The following GLIS3 variants were observed in gnomAD, a reference collection of about 807,000 sequenced individuals.
GLIS3 encodes GLIS family zinc finger 3, also known as zinc finger protein GLIS3.
GLIS3 carries 53 observed loss-of-function variants against 78.6 expected under a neutral mutation model. The ratio of observed to expected loss-of-function variants is 0.67; its 90% CI spans 0.54 to 0.85. The LOEUF (loss-of-function observed/expected upper bound fraction) is 0.85. Ranked by LOEUF, GLIS3 falls within the 40% of genes least tolerant of loss-of-function variation. The pLI is 0.00. For missense variants in GLIS3, 1,703 were observed against 1,231.1 expected (o/e 1.38, Z -5.74); for synonymous variants, 684 against 509.9 (o/e 1.34, Z -4.60).
At position 4,187,696 on chromosome 9, in the gene GLIS3, T is replaced by C. The variant is rs1252940477; in HGVS notation, c.389-61755A>G. On this transcript the variant is annotated intron_variant, in intron 2 of 10. Transcript: ENST00000381971. ...CTGAGCAGTGGTTTGTAGTTCTCCTTGAAGAGGTCTTTCACATCCCTTGTA... is the reference window on the plus strand; with the variant it reads ...CTGAGCAGTGGTTTGTAGTTCTCCTCGAAGAGGTCTTTCACATCCCTTGTA... Among the ~76,000 whole-genome samples, 6 of 152,342 alleles carry C rather than the reference T, an allele frequency of 3.9e-5. 1 individual carries two copies. The East Asian group carries it at 7.7e-4, about 20-fold the overall frequency.
chr9:4,219,086 C>T (rs964759271), intron 2 of GLIS3, among the ~76,000 whole-genome samples: 1 of 152,186 alleles, frequency 6.6e-6, no homozygotes, highest in East Asian at 1.9e-4. Flanking sequence ...ACTGATTTAC[C>T]ACAATCCTCC....
chr9:4,460,821 T>C, the GLIS3 span, among the ~76,000 whole-genome samples: 1 of 152,208 alleles, frequency 6.6e-6, no homozygotes, highest in Non-Finnish European at 1.5e-5. Flanking sequence ...ATTTCAAATC[T>C]GGAGTGTTTT....
chr9:4,451,505 G>C, the GLIS3 span, among the ~76,000 whole-genome samples: 1 of 152,232 alleles, frequency 6.6e-6, no homozygotes, highest in South Asian at 2.1e-4. Context: ...GAACCTAATA[G>C]ACATCTACAG....
chr9:3,938,314 G>T (rs938712096), intron 4 of GLIS3, among the ~76,000 whole-genome samples: 1 of 152,190 alleles, frequency 6.6e-6, no homozygotes, highest in Admixed American at 6.5e-5. Context: ...GAATGCAGGG[G>T]GGTGAGGGTG....
the GLIS3 span, among the ~76,000 whole-genome samples, chr9:4,371,096 A>C: frequency 2.0e-5 from 3 of 152,214 alleles, no homozygotes; most frequent in African/African-American, 7.2e-5. Context: ...AATTTTTGTA[A>C]TAAGAAAAAA....
chr9:3,964,606 T>C (rs1030574569), intron 4 of GLIS3, among the ~76,000 whole-genome samples: 1 of 152,216 alleles, frequency 6.6e-6, no homozygotes, highest in Non-Finnish European at 1.5e-5. Context: ...CTCCAGCAGA[T>C]GATATTTCTA....
In GLIS3 at chr9:4,180,840, A is replaced by G. The variant is rs10974369; in HGVS notation, c.389-54899T>C. 9.2e-3 allele frequency among the ~76,000 whole-genome samples: 1,393 copies of G among 152,162 alleles called. 17 individuals are homozygous for G. The highest frequency in any genetic ancestry group is 0.031 in the African/African-American group (1,284 of 41,502). On this transcript the variant is annotated intron_variant, in intron 2 of 10. Coordinates refer to ENST00000381971, the MANE Select transcript of GLIS3 (RefSeq NM_001042413.2). The stretch of plus-strand genomic sequence containing the variant: ...AAAATACCAGTCAATAAAATCTCAA[A>G]CTGGTTTTGCTCCGATCCACCCAAG...
At chr9:4,194,966 G>C (rs756725421) in intron 2 of GLIS3, among the ~76,000 whole-genome samples, 2 of 151,986 alleles carry the variant, frequency 1.3e-5, no homozygotes, top group African/African-American at 2.4e-5. Context: ...TGGCAGTGTA[G>C]CCACAAAGGC....
intron 2 of GLIS3, among the ~76,000 whole-genome samples, chr9:4,248,546 A>G (rs907958381): frequency 6.6e-6 from 1 of 152,202 alleles, no homozygotes; most frequent in Non-Finnish European, 1.5e-5. Flanking sequence ...GCTGCAATAA[A>G]TATATGTGTG....
the GLIS3 span, among the ~76,000 whole-genome samples, chr9:4,430,655 T>C: frequency 1.3e-5 from 2 of 152,236 alleles, no homozygotes; most frequent in Non-Finnish European, 2.9e-5. Flanking sequence ...GATATCTTCA[T>C]TCTGTTATCC....
chr9:4,132,535 A>C (rs1292372955), intron 2 of GLIS3, among the ~76,000 whole-genome samples: 1 of 152,030 alleles, frequency 6.6e-6, no homozygotes, highest in African/African-American at 2.4e-5. Context: ...GGAAGAGCGG[A>C]GAGAAGCAAC....
intron 2 of GLIS3, among the ~76,000 whole-genome samples, chr9:4,264,404 G>A (rs891013846): frequency 1.2e-4 from 18 of 152,036 alleles, no homozygotes; most frequent in African/African-American, 3.9e-4. Context: ...TTTCCCATCC[G>A]GACTATTCTC....
the GLIS3 span, among the ~76,000 whole-genome samples, chr9:4,450,339 G>A: frequency 6.6e-6 from 1 of 152,262 alleles, no homozygotes. Flanking sequence ...CAAGAAATAT[G>A]GGACTATGTG....
At chr9:3,927,928 C>A (rs749139427) in intron 6 of GLIS3, among the ~76,000 whole-genome samples, 1 of 152,110 alleles carries the variant, frequency 6.6e-6, no homozygotes, top group Non-Finnish European at 1.5e-5. Context: ...ATAAAAATTT[C>A]TAACCAAAAA....
chr9:4,233,695 C>G (rs1405166220), intron 2 of GLIS3, among the ~76,000 whole-genome samples: 1 of 152,194 alleles, frequency 6.6e-6, no homozygotes, highest in Non-Finnish European at 1.5e-5. Context: ...GCTGCATTAG[C>G]CCCTAACAAG....
At chr9:4,124,199 A>G (rs1454683500) in intron 3 of GLIS3, among the ~76,000 whole-genome samples, 2 of 152,226 alleles carry the variant, frequency 1.3e-5, no homozygotes. Context: ...CTGAAAAAAA[A>G]AATTCCATAG....
chr9:4,030,296 T>C (rs1157568167), intron 4 of GLIS3, among the ~76,000 whole-genome samples: 3 of 152,218 alleles, frequency 2.0e-5, no homozygotes, highest in African/African-American at 4.8e-5. Flanking sequence ...GACTGGATTA[T>C]TAGATTTTTT....
At chr9:4,193,647 T>C (rs189798422) in intron 2 of GLIS3, among the ~76,000 whole-genome samples, 8 of 152,324 alleles carry the variant, frequency 5.3e-5, no homozygotes, top group Admixed American at 1.3e-4. Flanking sequence ...ATGTCAGAGA[T>C]AATTTCAAGT....
At chr9:4,158,127 T>G (rs1835176446) in intron 2 of GLIS3, among the ~76,000 whole-genome samples, 1 of 152,184 alleles carries the variant, frequency 6.6e-6, no homozygotes, top group Non-Finnish European at 1.5e-5. Flanking sequence ...AAAAATCTTT[T>G]TTTTCCTTTC....
Sources: allele counts gnomAD v4.1 joint callset (sites outside exome capture counted in the v4.1 genomes callset), GRCh38; gene constraint gnomAD v4.1.1; transcripts MANE v1.5; gene names NCBI Gene and HGNC (gene_info 2026-07-23, HGNC 2026-07-21).